The following PCSK9 variants were observed in gnomAD, a reference collection of about 807,000 sequenced individuals.
PCSK9 encodes the protein convertase subtilisin/kexin type 9 preproprotein.
Under a neutral mutation model 62.1 loss-of-function variants are expected in PCSK9, and 57 were observed. The ratio of observed to expected loss-of-function variants is 0.92; its 90% CI spans 0.74 to 1.14. The LOEUF (loss-of-function observed/expected upper bound fraction) is 1.14, where lower values mean the gene tolerates loss of function less well. Among genes scored for constraint, PCSK9 ranks in the 50% most tolerant of loss-of-function variants. PCSK9 has a pLI of 0.00. For synonymous variants in PCSK9, 387 were observed against 409.4 expected (o/e 0.95, Z 0.66); for missense variants, 870 against 959.8 (o/e 0.91, Z 1.24).
chr1:55,055,918 CTG>C, intron 5 of PCSK9, 73 bp from the exon 6 acceptor site: 1 of 1,412,476 alleles, frequency 7.1e-7, no homozygotes, highest in Non-Finnish European at 9.7e-7. Context: ...AACCATCACT[CTG>C]TGCCTGTAAG....
chr1:55,052,896 G>T, intron 5 of PCSK9, 105 bp downstream of exon 5: 1 of 1,560,684 alleles, frequency 6.4e-7, no homozygotes, highest in South Asian at 1.1e-5. Context: ...CAAGAATGCT[G>T]TGGCAGCCTC....
At chr1:55,044,176 A>G (rs1229876562) in intron 2 of PCSK9, 142 bp downstream of exon 2, 1 of 978,540 alleles carries the variant, frequency 1.0e-6, no homozygotes, top group East Asian at 2.6e-5. Flanking sequence ...GGTACCAAGC[A>G]CAGTAACTAC....
chr1:55,058,336 G>C (rs1644732024), intron 8 of PCSK9, 127 bp downstream of exon 8: 1 of 1,489,122 alleles, frequency 6.7e-7, no homozygotes, highest in Non-Finnish European at 9.2e-7. Context: ...GATTAAATGA[G>C]AATGGGGCTC....
At position 55,055,989 on chromosome 1, in the gene PCSK9, C is replaced by T. The variant is rs1316168773; in HGVS notation, c.800-4C>T. ...AGGGGTGACCTTGGCTTTGTTCCTC[C>T]CAGGCCTGGAGTTTATTCGGAAAAG... On this transcript the variant is annotated splice_region_variant and splice_polypyrimidine_tract_variant and intron_variant, in intron 5 of 11. Coordinates refer to ENST00000302118, the MANE Select transcript of PCSK9 (RefSeq NM_174936.4). The T allele has an allele frequency of 3.7e-6, 6 of 1,607,354 alleles. No individual in the cohort carries two copies. Among genetic ancestry groups the T allele is most frequent in the East Asian group, 2.2e-5 (1 of 44,474 alleles).
In PCSK9 at chr1:55,044,080, C is replaced by T. The variant is rs370912056; in HGVS notation, c.399+46C>T. On this transcript the variant is annotated intron_variant, in intron 2 of 11. Transcript: ENST00000302118. ...ATGGCACTTCCTGATAGGGCTGGGC[C>T]ACTGCATATACACTGGGGACTGTGC... is the stretch of plus-strand genomic sequence containing the variant. 5.2e-5 allele frequency: 83 copies of T among 1,600,286 alleles called. 1 individual carries two copies. In the African/African-American group the frequency reaches 8.7e-4, roughly 17 times the overall value.
chr1:55,056,439 T>C (rs948826142), intron 6 of PCSK9, among the ~76,000 whole-genome samples: 1 of 152,102 alleles, frequency 6.6e-6, no homozygotes, highest in Non-Finnish European at 1.5e-5. Flanking sequence ...TGCGCCCACG[T>C]AGCGGCGCCT....
At chr1:55,062,100 A>T (rs775267996) in intron 11 of PCSK9, among the ~76,000 whole-genome samples, 1 of 152,228 alleles carries the variant, frequency 6.6e-6, no homozygotes, top group Non-Finnish European at 1.5e-5. Context: ...CCTGAGCTGC[A>T]TGCTGAAGGT....
chr1:55,046,411 T>C, intron 2 of PCSK9, 112 bp from the exon 3 acceptor site: 1 of 1,520,862 alleles, frequency 6.6e-7, no homozygotes, highest in African/African-American at 1.4e-5. Context: ...GGTGGGAGGC[T>C]GCTGGGCTGG....
At chr1:55,047,417 C>T (rs1331811215) in intron 3 of PCSK9, among the ~76,000 whole-genome samples, 4 of 152,164 alleles carry the variant, frequency 2.6e-5, no homozygotes, top group Admixed American at 6.5e-5. Context: ...GGTGCCAGGA[C>T]GCAGAGCTTG....
At position 55,057,329 on chromosome 1, in the gene PCSK9, A is replaced by T. The variant is rs1401563215; in HGVS notation, c.997-2A>T. 1.2e-6 allele frequency: 2 copies of T among 1,613,532 alleles called. No individual in the cohort carries two copies. Among genetic ancestry groups the T allele is most frequent in the Admixed American group, 1.7e-5 (1 of 60,032 alleles). On this transcript the variant is annotated splice_acceptor_variant, in intron 6 of 11. Coordinates refer to ENST00000302118, the MANE Select transcript of PCSK9 (RefSeq NM_174936.4). LOFTEE classifies it high-confidence loss of function. Reference sequence around the variant, plus strand: ...CTGCCACCCACCTCCTCACCTTTCCAGGTCATCACAGTTGGGGCCACCAAT... The same window carrying T: ...CTGCCACCCACCTCCTCACCTTTCCTGGTCATCACAGTTGGGGCCACCAAT...
In PCSK9 at chr1:55,058,163, G is replaced by C. The variant is rs1450724489; in HGVS notation, c.1308G>C (p.Leu436=). The C allele has an allele frequency of 6.2e-7, 1 of 1,613,548 alleles. No individual in the cohort carries two copies. Among genetic ancestry groups the C allele is most frequent in the Non-Finnish European group, 8.5e-7 (1 of 1,180,040 alleles). Residue 436 remains leucine, a synonymous_variant, in exon 8 of 12, where the codon CTG becomes CTC. Transcript: ENST00000302118. ...GGTTCCCTGAGGACCAGCGGGTACT[G>C]ACCCCCAACCTGGTGGCCGCCCTGC... is the stretch of plus-strand genomic sequence containing the variant. ...EAWFPEDQRV[L]TPNLVAALPP... is the part of the protein sequence containing the mutation.
At chr1:55,060,849 C>A (rs1258802229) in intron 10 of PCSK9, among the ~76,000 whole-genome samples, 1 of 152,220 alleles carries the variant, frequency 6.6e-6, no homozygotes, top group Non-Finnish European at 1.5e-5. Context: ...GTGTCATCTT[C>A]ACAGTGTCCC....
In PCSK9 at chr1:55,043,791, G is replaced by A. The variant is rs1431804487; in HGVS notation, c.208-52G>A. 1.1e-5 allele frequency: 17 copies of A among 1,597,334 alleles called. No individual in the cohort carries two copies. The Admixed American group carries it at 2.4e-4, about 22-fold the overall frequency. ...GTAGGGGTGAGATAAAGTACACCTA[G>A]GGTTTGCTGGGTTTCTTCCATGTCA... On this transcript the variant is annotated intron_variant, in intron 1 of 11. Transcript: ENST00000302118.
chr1:55,049,540 G>A lies in PCSK9; in HGVS notation c.524-2738G>A, dbSNP rs564079114. Among the ~76,000 whole-genome samples, 596 of 152,348 alleles carry A rather than the reference G, an allele frequency of 3.9e-3. 3 individuals are homozygous for A. Among genetic ancestry groups the A allele is most frequent in the Non-Finnish European group, 4.0e-3 (272 of 68,032 alleles). ...GCTCTTCTTGAGGCCACCTTGCCAC[G>A]CTGTCACAGGGAACTAGCAGCCCCT... is the stretch of plus-strand genomic sequence containing the variant. On this transcript the variant is annotated intron_variant, in intron 3 of 11. Coordinates refer to ENST00000302118, the MANE Select transcript of PCSK9 (RefSeq NM_174936.4).
intron 5 of PCSK9, among the ~76,000 whole-genome samples, chr1:55,055,570 G>A (rs1015337856): frequency 1.3e-5 from 2 of 152,178 alleles, no homozygotes; most frequent in African/African-American, 4.8e-5. Flanking sequence ...CCAGTAGGAT[G>A]TATATATTAA....
At chr1:55,044,099 A>C in intron 2 of PCSK9, 65 bp downstream of exon 2, 1 of 1,570,544 alleles carries the variant, frequency 6.4e-7, no homozygotes, top group Non-Finnish European at 8.7e-7. Context: ...TACACTGGGG[A>C]CTGTGCTTAG....
intron 3 of PCSK9, chr1:55,051,799 G>T (rs1398393041): frequency 3.7e-6 from 1 of 268,026 alleles, no homozygotes; most frequent in African/African-American, 2.3e-5. Context: ...CATACATCCT[G>T]TCCGAGCTGC....
chr1:55,044,078 G>A (rs1465820907), intron 2 of PCSK9, 44 bp downstream of exon 2: 2 of 1,603,686 alleles, frequency 1.2e-6, no homozygotes, highest in Non-Finnish European at 1.7e-6. Context: ...ATAGGGCTGG[G>A]CCACTGCATA....
rs770592607 is a variant in PCSK9 at position 55,046,626 on chromosome 1, C to A, written c.503C>A (p.Ala168Glu). The change falls in exon 3 of 12, where the codon GCG (alanine) becomes GAG (glutamate). Residue 168 changes from alanine to glutamate, a missense_variant. By Grantham distance (107) the Ala-to-Glu change is moderately radical. Coordinates refer to ENST00000302118, the MANE Select transcript of PCSK9 (RefSeq NM_174936.4). Reference sequence around the variant, plus strand: ...CGGATTACCCCTCCACGGTACCGGGCGGATGAATACCAGCCCCCCGGTAAG... The same window carrying A: ...CGGATTACCCCTCCACGGTACCGGGAGGATGAATACCAGCCCCCCGGTAAG... ...LERITPPRYR[A>E]DEYQPPDGGS... The A allele has an allele frequency of 6.2e-7, 1 of 1,613,990 alleles. No homozygotes were observed. Among genetic ancestry groups the A allele is most frequent in the Non-Finnish European group, 8.5e-7 (1 of 1,179,996 alleles).
Sources: allele counts gnomAD v4.1 joint callset (sites outside exome capture counted in the v4.1 genomes callset), GRCh38; gene constraint gnomAD v4.1.1; transcripts MANE v1.5; gene names NCBI Gene and HGNC (gene_info 2026-07-23, HGNC 2026-07-21).